The following CHRM3 variants were observed in gnomAD, a reference collection of about 807,000 sequenced individuals.
CHRM3 encodes the protein cholinergic receptor muscarinic 3, also known as muscarinic acetylcholine receptor M3.
In CHRM3, 11 loss-of-function variants were observed where a neutral mutation model predicts 41.8. The ratio of observed to expected loss-of-function variants is 0.26; its 90% CI spans 0.17 to 0.44. CHRM3 has a LOEUF of 0.44. Ranked by LOEUF, CHRM3 falls within the 20% of genes least tolerant of loss-of-function variation. The pLI is 1.00. For missense variants in CHRM3, 571 were observed against 745.4 expected, an observed-to-expected ratio of 0.77 and a Z score of 2.72; for synonymous variants, 297 against 301.4, an observed-to-expected ratio of 0.99 and a Z score of 0.15.
chr1:239,896,237 A>G (rs1157394081), intron 6 of CHRM3, among the ~76,000 whole-genome samples: 1 of 152,134 alleles, frequency 6.6e-6, no homozygotes, highest in Admixed American at 6.5e-5. Context: ...TCTTGACTAC[A>G]TGGCAGCTTG....
intron 5 of CHRM3, among the ~76,000 whole-genome samples, chr1:239,761,088 T>C (rs1485609555): frequency 6.6e-6 from 1 of 152,220 alleles, no homozygotes; most frequent in Non-Finnish European, 1.5e-5. Context: ...TCTGGTCTTT[T>C]TTCTCCCTGG....
chr1:239,835,792 T>C (rs1439505538), intron 6 of CHRM3, among the ~76,000 whole-genome samples: 3 of 152,218 alleles, frequency 2.0e-5, no homozygotes, highest in East Asian at 3.9e-4. Flanking sequence ...TTTATTTCCA[T>C]AGGACACAGT....
chr1:239,814,187 G>A (rs1389930311), intron 5 of CHRM3, among the ~76,000 whole-genome samples: 1 of 152,142 alleles, frequency 6.6e-6, no homozygotes, highest in East Asian at 1.9e-4. Flanking sequence ...TAATTTTAAA[G>A]TGAGAACTTT....
At chr1:239,582,885 G>A (rs952919004) in intron 3 of CHRM3, among the ~76,000 whole-genome samples, 4 of 152,122 alleles carry the variant, frequency 2.6e-5, no homozygotes, top group African/African-American at 7.2e-5. Flanking sequence ...ACTTTAATTT[G>A]ATTTATGAGA....
intron 1 of CHRM3, among the ~76,000 whole-genome samples, chr1:239,424,242 C>T (rs958743093): frequency 1.2e-4 from 19 of 152,080 alleles, no homozygotes; most frequent in African/African-American, 4.6e-4. Flanking sequence ...GTAGAACAGG[C>T]ATTCCTCAGG....
At chr1:239,857,960 G>A (rs1340941396) in intron 6 of CHRM3, among the ~76,000 whole-genome samples, 1 of 151,990 alleles carries the variant, frequency 6.6e-6, no homozygotes, top group Non-Finnish European at 1.5e-5. Flanking sequence ...TCAGAAAAAG[G>A]GGGAATTAAT....
At chr1:239,791,231 A>T (rs1384737300) in intron 5 of CHRM3, among the ~76,000 whole-genome samples, 1 of 152,088 alleles carries the variant, frequency 6.6e-6, no homozygotes, top group Non-Finnish European at 1.5e-5. Context: ...CAGGCACCTG[A>T]GTAGCTGGGA....
rs1553356874 is a variant in CHRM3, at chr1:239,662,893, C to CTCTTCTTCTTCTTCTTTTTCT, written c.-249-15277_-249-15276insTTTCTTCTTCTTCTTCTTCTT. On this transcript the variant is annotated intron_variant, in intron 4 of 6. Transcript: ENST00000676153. ...TCTCCTCTTTCTCCTCTTCCTCCTCCTCTTCTTCTTCTTCTTCTTCTTCTT... is the reference window on the plus strand; with the variant it reads ...TCTCCTCTTTCTCCTCTTCCTCCTCCTCTTCTTCTTCTTCTTTTTCTTCTTCTTCTTCTTCTTCTTCTTCTT... Among the ~76,000 whole-genome samples the CTCTTCTTCTTCTTCTTTTTCT allele has an allele frequency of 8.1e-3, 377 of 46,398 alleles. 3 individuals are homozygous for CTCTTCTTCTTCTTCTTTTTCT. Among genetic ancestry groups the CTCTTCTTCTTCTTCTTTTTCT allele is most frequent in the African/African-American group, 0.029 (367 of 12,722 alleles). 30.4% of individuals were successfully genotyped at this position (46,398 alleles called of 152,430 possible).
intron 6 of CHRM3, among the ~76,000 whole-genome samples, chr1:239,899,434 CAT>C (rs1679313486): frequency 6.6e-6 from 1 of 150,886 alleles, no homozygotes; most frequent in Non-Finnish European, 1.5e-5. Flanking sequence ...TATCTATACA[CAT>C]GTATGTATAT....
chr1:239,633,054 G>A (rs1670034033), intron 4 of CHRM3, among the ~76,000 whole-genome samples: 1 of 152,190 alleles, frequency 6.6e-6, no homozygotes, highest in Non-Finnish European at 1.5e-5. Flanking sequence ...CTCACTGCAA[G>A]CTCCGCCTCC....
In CHRM3 at chr1:239,469,815, T is replaced by C. The variant is rs1572407622; in HGVS notation, c.-520-22894T>C. On this transcript the variant is annotated intron_variant, in intron 1 of 6. Transcript: ENST00000676153. ...CAGGTGATTCGCCCGCCTTGGCCTC[T>C]CAAAGTGCTGGGATTACAGGCATGA... Among the ~76,000 whole-genome samples, 5 of 152,108 alleles carry C rather than the reference T, an allele frequency of 3.3e-5. No individual in the cohort carries two copies. In the South Asian group the frequency reaches 1.0e-3, roughly 32 times the overall value.
At chr1:239,606,369 G>C (rs1225738088) in intron 3 of CHRM3, among the ~76,000 whole-genome samples, 1 of 151,802 alleles carries the variant, frequency 6.6e-6, no homozygotes, top group Non-Finnish European at 1.5e-5. Context: ...TCCGCCTCCT[G>C]GGTTCATGCC....
intron 3 of CHRM3, among the ~76,000 whole-genome samples, chr1:239,604,291 G>T: frequency 8.2e-6 from 1 of 122,538 alleles, no homozygotes; most frequent in Non-Finnish European, 1.6e-5. Context: ...TGGGAAACTA[G>T]GTTTTTTTTT....
intron 1 of CHRM3, among the ~76,000 whole-genome samples, chr1:239,426,650 T>C (rs1242715444): frequency 6.6e-6 from 1 of 152,176 alleles, no homozygotes; most frequent in East Asian, 1.9e-4. Flanking sequence ...ATCTTCATTT[T>C]GGGCTTCATT....
chr1:239,806,648 A>G (rs1670677485), intron 5 of CHRM3, among the ~76,000 whole-genome samples: 1 of 152,208 alleles, frequency 6.6e-6, no homozygotes, highest in African/African-American at 2.4e-5. Context: ...CTTGGAGACG[A>G]AAGTTACTGT....
intron 1 of CHRM3, among the ~76,000 whole-genome samples, chr1:239,478,988 G>T (rs1666642639): frequency 1.3e-5 from 2 of 152,078 alleles, no homozygotes; most frequent in Non-Finnish European, 2.9e-5. Context: ...TTTGAGTTCA[G>T]CCTGACGAAC....
intron 5 of CHRM3, among the ~76,000 whole-genome samples, chr1:239,683,027 A>T (rs1658719642): frequency 6.6e-6 from 1 of 152,170 alleles, no homozygotes; most frequent in African/African-American, 2.4e-5. Context: ...TGAAATAGAC[A>T]ATACAGTATT....
At chr1:239,660,753 G>A (rs556107197) in intron 4 of CHRM3, among the ~76,000 whole-genome samples, 48 of 152,164 alleles carry the variant, frequency 3.2e-4, no homozygotes, top group African/African-American at 1.1e-3. Context: ...GTGTGATGGC[G>A]CATGCTTGTA....
intron 5 of CHRM3, among the ~76,000 whole-genome samples, chr1:239,794,390 T>G (rs556467369): frequency 1.5e-4 from 20 of 130,618 alleles, no homozygotes; most frequent in South Asian, 2.3e-4. Context: ...GTTTGTTGTT[T>G]TTTTTTTTTT....
Sources: allele counts gnomAD v4.1 joint callset (sites outside exome capture counted in the v4.1 genomes callset), GRCh38; gene constraint gnomAD v4.1.1; transcripts MANE v1.5; gene names NCBI Gene and HGNC (gene_info 2026-07-23, HGNC 2026-07-21).